The following ARIH1 variants were observed in gnomAD, a reference collection of about 807,000 sequenced individuals.
The protein encoded by ARIH1 is ariadne RBR E3 ubiquitin protein ligase 1, also known as E3 ubiquitin-protein ligase ARIH1.
A neutral mutation model predicts 85.0 loss-of-function variants in ARIH1; 8 were observed. The ratio of observed to expected loss-of-function variants is 0.09; its 90% CI spans 0.06 to 0.17. ARIH1 has a LOEUF of 0.17. Ranked by LOEUF, ARIH1 falls within the 10% of genes least tolerant of loss-of-function variation. The pLI, the probability that ARIH1 is intolerant of heterozygous loss-of-function variation, is 1.00. For synonymous variants in ARIH1, 238 were observed against 253.6 expected, an observed-to-expected ratio of 0.94 and a Z score of 0.59; for missense variants, 311 against 718.1, an observed-to-expected ratio of 0.43 and a Z score of 6.48.
intron 11 of ARIH1, among the ~76,000 whole-genome samples, chr15:72,573,848 A>G (rs553952467): frequency 5.6e-4 from 85 of 152,266 alleles, no homozygotes; most frequent in African/African-American, 1.9e-3. Flanking sequence ...TTAAAAATGT[A>G]TTATTACTGT....
At chr15:72,507,283 C>G (rs1447198929) in intron 1 of ARIH1, among the ~76,000 whole-genome samples, 1 of 152,160 alleles carries the variant, frequency 6.6e-6, no homozygotes, top group Non-Finnish European at 1.5e-5. Flanking sequence ...CTTGGCCTCC[C>G]AAAGTGCTGG....
intron 1 of ARIH1, among the ~76,000 whole-genome samples, chr15:72,517,766 A>G (rs1376758172): frequency 2.6e-5 from 4 of 151,932 alleles, no homozygotes; most frequent in African/African-American, 9.7e-5. Context: ...CAGTCTGCTG[A>G]AATTATTTTT....
In ARIH1 at chr15:72,584,784, G is replaced by T. The variant is rs1293507787; in HGVS notation, c.*1492G>T. ...TACTAAGAGCTATGTTAAAAGTAAA[G>T]GATGGTGGTGGTTGTATTAACTATA... On this transcript the variant is annotated 3_prime_UTR_variant, in exon 14 of 14. Transcript: ENST00000379887. 1.3e-5 allele frequency: 2 copies of T among 151,848 alleles called. No individual in the cohort carries two copies. Among genetic ancestry groups the T allele is most frequent in the Non-Finnish European group, 1.5e-5 (1 of 68,002 alleles). The allele number at this position is 151,848 out of a possible 1,614,324, so 9.4% of individuals were successfully genotyped here. A position where few individuals can be genotyped will look rare whatever the true frequency, so the allele number is the denominator to read the frequency against.
chr15:72,566,481 A>G (rs1464687232), intron 7 of ARIH1, 82 bp from the exon 8 acceptor site: 45 of 1,110,840 alleles, frequency 4.1e-5, no homozygotes, highest in Non-Finnish European at 6.0e-5. Flanking sequence ...CTGTGGAACT[A>G]TAAGGCATGA....
In ARIH1 at chr15:72,601,754, A is replaced by G. The variant is rs2140449378; in HGVS notation, c.*18462A>G. ...CTTAGTCGCTATTATTGGAGTAGGT[A>G]ATACATCCATATAGTACAAAATTCA... On this transcript the variant is annotated 3_prime_UTR_variant, in exon 14 of 14. Coordinates refer to ENST00000379887, the MANE Select transcript of ARIH1 (RefSeq NM_005744.5). 1 of 152,338 alleles carries G rather than the reference A, an allele frequency of 6.6e-6. No individual in the cohort carries two copies. Among genetic ancestry groups the G allele is most frequent in the East Asian group, 1.9e-4 (1 of 5,190 alleles). 9.4% of individuals were successfully genotyped at this position (152,338 alleles called of 1,614,324 possible).
At chr15:72,568,329 C>T (rs2064229841) in intron 9 of ARIH1, among the ~76,000 whole-genome samples, 1 of 151,932 alleles carries the variant, frequency 6.6e-6, no homozygotes, top group South Asian at 2.1e-4. Flanking sequence ...TCCTTAAGTC[C>T]CAGAATTCTT....
chr15:72,474,900 T>A lies in ARIH1; in HGVS notation c.261T>A (p.Gly87=). The A allele has an allele frequency of 2.1e-6, 3 of 1,441,118 alleles. No individual in the cohort carries two copies. Among genetic ancestry groups the A allele is most frequent in the Non-Finnish European group, 2.7e-6 (3 of 1,091,306 alleles). The allele number at this position is 1,441,118 out of a possible 1,614,324, so 89.3% of individuals were successfully genotyped here. ...GCGGCGGCGGCGGCGGCGGCGGTGG[T>A]GGTGGCGGGCCGGGGCATGAGCAGG... The part of the protein sequence containing the change: ...GGGGGGGGGG[G]GGGPGHEQEE... The change falls in exon 1 of 14, where the codon GGT becomes GGA. Residue 87 remains glycine, a synonymous_variant. Coordinates refer to ENST00000379887, the MANE Select transcript of ARIH1 (RefSeq NM_005744.5).
rs546896964 is a variant in ARIH1, at chr15:72,594,017, A to C, written c.*10725A>C. ...TAGTATTGAGTCAGCTAATTCATGAACATATTAAGTCTTGTCATTTATTTA... is the reference window on the plus strand; with the variant it reads ...TAGTATTGAGTCAGCTAATTCATGACCATATTAAGTCTTGTCATTTATTTA... On this transcript the variant is annotated 3_prime_UTR_variant, in exon 14 of 14. Coordinates refer to ENST00000379887, the MANE Select transcript of ARIH1 (RefSeq NM_005744.5). 2 of 152,170 alleles carry C rather than the reference A, an allele frequency of 1.3e-5. No individual in the cohort carries two copies. The highest frequency in any genetic ancestry group is 2.4e-5 in the African/African-American group (1 of 41,548). 9.4% of individuals were successfully genotyped at this position (152,170 alleles called of 1,614,324 possible).
In ARIH1 at chr15:72,474,686, A is replaced by T; in HGVS notation, c.47A>T (p.Glu16Val). The change falls in exon 1 of 14, where the codon GAG becomes GTG. Residue 16 changes from glutamate (E) to valine (V), a missense_variant. Around this residue, in one of 3 missense-constraint regions of ARIH1, gnomAD observed 157 missense variants for 185.1 expected, o/e 0.85. Transcript: ENST00000379887. ...GYNYEFDEDE[E>V]CSEEDSGAEE... is the part of the protein sequence containing the mutation. ...AACTACGAGTTCGACGAGGACGAGG[A>T]GTGCAGTGAGGAGGACAGCGGCGCC... 6.4e-7 allele frequency: 1 copy of T among 1,574,582 alleles called. No homozygotes were observed.
intron 1 of ARIH1, among the ~76,000 whole-genome samples, chr15:72,493,862 A>G (rs1595851636): frequency 6.7e-6 from 1 of 148,438 alleles, no homozygotes; most frequent in Non-Finnish European, 1.5e-5. Flanking sequence ...CTGTTTATAA[A>G]CTTTTTTAAA....
chr15:72,569,265 A>C (rs1053352692), intron 9 of ARIH1, among the ~76,000 whole-genome samples: 5 of 152,182 alleles, frequency 3.3e-5, no homozygotes, highest in Non-Finnish European at 7.3e-5. Context: ...CCATGATTGC[A>C]CTGCTGCACT....
At chr15:72,563,530 G>T in intron 7 of ARIH1, 30 bp downstream of exon 7, 1 of 1,550,310 alleles carries the variant, frequency 6.5e-7, no homozygotes, top group Non-Finnish European at 8.9e-7. Context: ...AATTGAAATA[G>T]TGCACAAAGC....
At position 72,474,963 on chromosome 15, in the gene ARIH1, G is replaced by A; in HGVS notation, c.324G>A (p.Gln108=). The part of the protein sequence containing the change: ...DYRYEVLTAE[Q]ILQHMVECIR... ...GCTACGAGGTGCTCACGGCCGAGCA[G>A]ATTCTACAACACATGGTGGAATGTA... The change falls in exon 1 of 14, where the codon CAG becomes CAA. Residue 108 remains glutamine (Q), a synonymous_variant. Transcript: ENST00000379887. 6.4e-7 allele frequency: 1 copy of A among 1,559,428 alleles called. No homozygotes were observed. Among genetic ancestry groups the A allele is most frequent in the Non-Finnish European group, 8.7e-7 (1 of 1,151,494 alleles).
At chr15:72,486,285 A>G (rs1483407905) in intron 1 of ARIH1, among the ~76,000 whole-genome samples, 1 of 152,208 alleles carries the variant, frequency 6.6e-6, no homozygotes, top group African/African-American at 2.4e-5. Flanking sequence ...TTTAAATTGT[A>G]CACCATTCTG....
rs999947139 is a variant in ARIH1, at chr15:72,569,289, C to T, written c.1027-888C>T. On this transcript the variant is annotated intron_variant, in intron 9 of 13. Coordinates refer to ENST00000379887, the MANE Select transcript of ARIH1 (RefSeq NM_005744.5). The stretch of plus-strand genomic sequence containing the variant: ...CACTGCTGCACTCCAGCCTGGTCGA[C>T]GGTGAGACCCTGTCTCAAAAAGAAA... 4.6e-5 allele frequency among the ~76,000 whole-genome samples: 7 copies of T among 152,106 alleles called. No individual in the cohort carries two copies. The South Asian group carries it at 8.3e-4, about 18-fold the overall frequency.
At chr15:72,532,358 G>A (rs1041804964) in intron 2 of ARIH1, among the ~76,000 whole-genome samples, 5 of 151,594 alleles carry the variant, frequency 3.3e-5, no homozygotes, top group Non-Finnish European at 5.9e-5. Context: ...CCTAGAAATA[G>A]GCAATTTCCC....
chr15:72,584,063 T>C lies in ARIH1; in HGVS notation c.*771T>C, dbSNP rs994291526. ...TTTGCTTATCTTTCCCGGGTTGGGG[T>C]TGGGATAAAGGTGTGTCGGTTTAGC... On this transcript the variant is annotated 3_prime_UTR_variant, in exon 14 of 14. Transcript: ENST00000379887. The C allele has an allele frequency of 1.3e-5, 2 of 152,156 alleles. No homozygotes were observed. The highest frequency in any genetic ancestry group is 2.9e-5 in the Non-Finnish European group (2 of 68,030). The allele number at this position is 152,156 out of a possible 1,614,324, so 9.4% of individuals were successfully genotyped here.
In ARIH1 at chr15:72,482,014, T is replaced by G. The variant is rs2063818448; in HGVS notation, c.375+7000T>G. Among the ~76,000 whole-genome samples the G allele has an allele frequency of 2.0e-5, 3 of 152,196 alleles. No homozygotes were observed. The South Asian group carries it at 6.2e-4, about 32-fold the overall frequency. On this transcript the variant is annotated intron_variant, in intron 1 of 13. Coordinates refer to ENST00000379887, the MANE Select transcript of ARIH1 (RefSeq NM_005744.5). ...ACTACGCCCGGCTAATTTTGTATTT[T>G]TGGTAGAGACGGGGTTTCACCATGT...
intron 1 of ARIH1, among the ~76,000 whole-genome samples, chr15:72,483,354 G>A (rs1308487610): frequency 6.6e-6 from 1 of 152,210 alleles, no homozygotes; most frequent in African/African-American, 2.4e-5. Flanking sequence ...TTAGAGAAAA[G>A]GCCCATACGA....
Sources: gnomAD v4.1 joint callset for allele counts (sites outside exome capture counted in the v4.1 genomes callset) on GRCh38, gnomAD v4.1.1 for gene constraint, gnomAD v4.1.1 regional missense constraint, MANE v1.5 for transcripts, NCBI Gene and HGNC (gene_info 2026-07-23, HGNC 2026-07-21) for gene names.